The following STIM1 variants were observed in gnomAD, a reference collection of about 807,000 sequenced individuals.
STIM1 encodes the protein stromal interaction molecule 1.
Under a neutral mutation model 74.7 loss-of-function variants are expected in STIM1, and 25 were observed. The observed-to-expected ratio is 0.33, with a 90% CI of 0.24 to 0.47. The LOEUF (loss-of-function observed/expected upper bound fraction) is 0.47. Ranked by LOEUF, STIM1 falls within the 20% of genes least tolerant of loss-of-function variation. STIM1 has a pLI of 1.00. For missense variants in STIM1, 728 were observed against 920.8 expected, an observed-to-expected ratio of 0.79 and a Z score of 2.71; for synonymous variants, 328 against 348.8, an observed-to-expected ratio of 0.94 and a Z score of 0.66.
chr11:3,935,843 CAG>C (rs1400751062), intron 1 of STIM1, among the ~76,000 whole-genome samples: 1 of 152,196 alleles, frequency 6.6e-6, no homozygotes, highest in East Asian at 1.9e-4. Context: ...AATCACAAGA[CAG>C]AGATTGTGTG....
At chr11:4,075,522 T>C (rs2094432720) in intron 7 of STIM1, among the ~76,000 whole-genome samples, 1 of 152,246 alleles carries the variant, frequency 6.6e-6, no homozygotes, top group Admixed American at 6.5e-5. Context: ...CACTCAACAT[T>C]ATGTCTATGA....
intron 1 of STIM1, among the ~76,000 whole-genome samples, chr11:3,918,299 T>G (rs1418858399): frequency 1.3e-5 from 2 of 152,170 alleles, no homozygotes; most frequent in Non-Finnish European, 2.9e-5. Context: ...GGTGGATCAC[T>G]TGAGCCCAGG....
chr11:4,090,845 CA>C (rs1200745762), intron 12 of STIM1, among the ~76,000 whole-genome samples: 1 of 152,160 alleles, frequency 6.6e-6, no homozygotes, highest in Non-Finnish European at 1.5e-5. Flanking sequence ...TGGTGGGGCC[CA>C]GGTATTGGAA....
chr11:3,886,311 T>G (rs1397064162), intron 1 of STIM1, among the ~76,000 whole-genome samples: 2 of 152,140 alleles, frequency 1.3e-5, no homozygotes, highest in Non-Finnish European at 2.9e-5. Context: ...AATTAAAAAC[T>G]TGAGGGAAGT....
chr11:3,954,075 C>T (rs781625526), intron 1 of STIM1, among the ~76,000 whole-genome samples: 1 of 152,126 alleles, frequency 6.6e-6, no homozygotes, highest in Non-Finnish European at 1.5e-5. Context: ...CATGCCTGGC[C>T]TGACTTTCTG....
chr11:4,088,205 G>A (rs188934930), intron 12 of STIM1, among the ~76,000 whole-genome samples: 18 of 152,254 alleles, frequency 1.2e-4, no homozygotes, highest in Admixed American at 8.5e-4. Flanking sequence ...ATCAGAGATA[G>A]TAGCCTTGAC....
chr11:3,989,094 A>T, intron 2 of STIM1: 1 of 1,398,826 alleles, frequency 7.1e-7, no homozygotes, highest in Non-Finnish European at 9.8e-7. Flanking sequence ...AGTTGATAAA[A>T]ATATTCCTCT....
intron 1 of STIM1, among the ~76,000 whole-genome samples, chr11:3,954,716 G>A (rs2093190233): frequency 6.6e-6 from 1 of 152,182 alleles, no homozygotes; most frequent in Admixed American, 6.5e-5. Context: ...AATTCTGAGT[G>A]GTTCTTGACC....
chr11:4,047,932 C>T (rs983785176), intron 3 of STIM1, among the ~76,000 whole-genome samples: 2 of 151,794 alleles, frequency 1.3e-5, no homozygotes, highest in African/African-American at 4.8e-5. Context: ...GATTCTTCTG[C>T]CTCAGCCTCC....
intron 1 of STIM1, among the ~76,000 whole-genome samples, chr11:3,858,138 A>G (rs1255919017): frequency 1.3e-5 from 2 of 152,228 alleles, no homozygotes. Flanking sequence ...GCCTGACATA[A>G]GATGAATATT....
At position 4,082,188 on chromosome 11, in the gene STIM1, G is replaced by T. The variant is rs746960459; in HGVS notation, c.974G>T (p.Arg325Leu). 1.9e-6 allele frequency: 3 copies of T among 1,614,008 alleles called. No homozygotes were observed. Among genetic ancestry groups the T allele is most frequent in the South Asian group, 2.2e-5 (2 of 91,058 alleles). ...CACATCCTTTTGGCTGCCTAGGTTC[G>T]GGAGGCCTTGAGGAAAGCAGAGAAG... Reference protein sequence around the residue: ...KYAEEELEQVREALRKAEKEL... With the variant: ...KYAEEELEQVLEALRKAEKEL... Residue 325 changes from arginine to leucine, a missense_variant, in exon 8 of 13, where the codon CGG becomes CTG. Arg to Leu is a moderately radical substitution (Grantham distance 102). Coordinates refer to ENST00000526596, the MANE Select transcript of STIM1 (RefSeq NM_001382567.1).
chr11:3,861,792 C>T (rs2090623036), intron 1 of STIM1, among the ~76,000 whole-genome samples: 2 of 152,168 alleles, frequency 1.3e-5, no homozygotes, highest in South Asian at 4.1e-4. Context: ...CTATGGGCCC[C>T]TTAGGGATAT....
intron 3 of STIM1, chr11:4,049,741 CACACACACACACACACACACACAT>C (rs2094224280): frequency 6.9e-6 from 1 of 145,360 alleles, no homozygotes; most frequent in Admixed American, 6.9e-5. Context: ...CACACACACA[CACACACACACACACACACACACAT>C]GCTTAGAACG....
intron 10 of STIM1, chr11:4,083,701 C>G: frequency 3.3e-6 from 2 of 610,490 alleles, no homozygotes; most frequent in Admixed American, 5.5e-5. Context: ...GTTGTATGCT[C>G]TGTGTGCCCC....
intron 1 of STIM1, among the ~76,000 whole-genome samples, chr11:3,952,776 C>T (rs922018270): frequency 7.9e-5 from 12 of 152,310 alleles, no homozygotes; most frequent in African/African-American, 2.9e-4. Flanking sequence ...CATGTGAACA[C>T]TGATCTGGGA....
At chr11:4,022,909 C>T (rs1337891045) in intron 2 of STIM1, among the ~76,000 whole-genome samples, 1 of 152,188 alleles carries the variant, frequency 6.6e-6, no homozygotes, top group Non-Finnish European at 1.5e-5. Flanking sequence ...ACTTGGGTGT[C>T]GTGCAACATC....
intron 4 of STIM1, 22 bp from the exon 5 acceptor site, chr11:4,059,259 C>T (rs1565163327): frequency 1.2e-6 from 2 of 1,601,674 alleles, no homozygotes; most frequent in Non-Finnish European, 1.7e-6. Flanking sequence ...GGGAACTGAT[C>T]TGCTACTCTT....
chr11:3,950,648 G>A (rs2093135160), intron 1 of STIM1, among the ~76,000 whole-genome samples: 2 of 152,032 alleles, frequency 1.3e-5, no homozygotes, highest in Middle Eastern at 3.4e-3. Flanking sequence ...TTTTTTGAGA[G>A]AAGGTCTCGC....
intron 4 of STIM1, 71 bp from the exon 5 acceptor site, chr11:4,059,210 C>A: frequency 7.7e-7 from 1 of 1,296,076 alleles, no homozygotes; most frequent in Non-Finnish European, 1.1e-6. Context: ...CTGGGGGAGG[C>A]GGGTAATCCT....
Sources: gnomAD v4.1 joint callset for allele counts (sites outside exome capture counted in the v4.1 genomes callset) on GRCh38, gnomAD v4.1.1 for gene constraint, MANE v1.5 for transcripts, NCBI Gene and HGNC (gene_info 2026-07-23, HGNC 2026-07-21) for gene names.